A2M: variants seen among roughly 807,000 people sequenced by gnomAD.
A2M encodes the protein alpha-2-macroglobulin, also known as C3 and PZP-like alpha-2-macroglobulin domain-containing protein 5.
Under a neutral mutation model 183.9 loss-of-function variants are expected in A2M, and 128 were observed. The observed-to-expected ratio is 0.70, with a 90% CI of 0.60 to 0.81. The LOEUF is 0.81. A2M is among the 30% of genes least tolerant of loss of function. The pLI, the probability that A2M is intolerant of heterozygous loss-of-function variation, is 0.00. For synonymous variants in A2M, 592 were observed against 670.8 expected (o/e 0.88, Z 1.81); for missense variants, 1,495 against 1,787.6 (o/e 0.84, Z 2.95).
At position 9,067,761 on chromosome 12, in the gene A2M, C is replaced by T. The variant is rs1014234631; in HGVS notation, c.*62G>A. The T allele has an allele frequency of 4.6e-6, 7 of 1,516,608 alleles. No homozygotes were observed. The highest frequency in any genetic ancestry group is 1.7e-5 in the Admixed American group (1 of 58,466). 93.9% of individuals were successfully genotyped at this position (1,516,608 alleles called of 1,614,324 possible). ...TCAAGTCTTTAAAGATACAAAAACA[C>T]GTGTCTTCTGTGGAGCTCTGAGAAC... On this transcript the variant is annotated 3_prime_UTR_variant, in exon 36 of 36. Coordinates refer to ENST00000318602, the MANE Select transcript of A2M (RefSeq NM_000014.6).
chr12:9,079,205 G>T, intron 25 of A2M, 39 bp downstream of exon 25: 3 of 1,504,642 alleles, frequency 2.0e-6, no homozygotes, highest in Non-Finnish European at 2.8e-6. Context: ...AAAAGAGCTG[G>T]CACACAAAAA....
chr12:9,074,572 G>GA lies in A2M; in HGVS notation c.3743dup (p.Ser1249LeufsTer105), dbSNP rs1392149238. The GA allele has an allele frequency of 6.2e-7, 1 of 1,610,792 alleles. No homozygotes were observed. The highest frequency in any genetic ancestry group is 8.5e-7 in the Non-Finnish European group (1 of 1,178,458). On this transcript the variant is annotated frameshift_variant, in exon 29 of 36. Transcript: ENST00000318602. LOFTEE classifies it high-confidence loss of function. ...GCAAATCACCAACCTGGGTGGAGGA[G>GA]AAACCGCCCTGGGCATTCTGCTGCT...
At position 9,106,335 on chromosome 12, in the gene A2M, C is replaced by A; in HGVS notation, c.1005G>T (p.Leu335Phe). The change falls in exon 10 of 36, where the codon TTG becomes TTT. Residue 335 changes from leucine to phenylalanine, a missense_variant. Physicochemically the swap from Leu to Phe is conservative, Grantham distance 22 (BLOSUM62 0). Coordinates refer to ENST00000318602, the MANE Select transcript of A2M (RefSeq NM_000014.6). The part of the protein sequence containing the change: ...QIQEEGTVVE[L>F]TGRQSSEITR... ...TGATTTCACTGGACTGCCTTCCAGT[C>A]AATTCCACCACTGAAAAAAGAGAAA... is the stretch of plus-strand genomic sequence containing the variant. The A allele has an allele frequency of 6.2e-7, 1 of 1,603,252 alleles. No individual in the cohort carries two copies. Among genetic ancestry groups the A allele is most frequent in the South Asian group, 1.1e-5 (1 of 90,072 alleles).
rs201451491 is a variant in A2M at position 9,080,136 on chromosome 12, T to C, written c.2812A>G (p.Asn938Asp). 9.5e-5 allele frequency: 151 copies of C among 1,589,468 alleles called. 1 individual carries two copies. In the African/African-American group the frequency reaches 1.8e-3, roughly 19 times the overall value. The change falls in exon 23 of 36, where the codon AAT becomes GAT. Residue 938 changes from asparagine to aspartate, a missense_variant. By Grantham distance (23) the Asn-to-Asp change is conservative. Transcript: ENST00000318602. ...SEELSLKLPP[N>D]VVEESARASV... ...GCTCGGGCAGATTCTTCTACCACAT[T>C]TGGTGGCAGTTTCAGGGATAATTCT... is the stretch of plus-strand genomic sequence containing the variant.
chr12:9,085,959 T>A (rs1416460623), intron 22 of A2M, among the ~76,000 whole-genome samples: 1 of 151,834 alleles, frequency 6.6e-6, no homozygotes, highest in Non-Finnish European at 1.5e-5. Flanking sequence ...AAATAGAAAA[T>A]CTGAACTGAC....
intron 7 of A2M, 90 bp from the exon 8 acceptor site, chr12:9,107,734 A>G: frequency 1.4e-6 from 2 of 1,478,406 alleles, no homozygotes; most frequent in Non-Finnish European, 1.9e-6. Context: ...GCTACAGTAT[A>G]TTCCCTGTCT....
At chr12:9,101,709 T>C (rs1937872042) in intron 11 of A2M, 35 bp from the exon 12 acceptor site, 1 of 1,472,684 alleles carries the variant, frequency 6.8e-7, no homozygotes, top group Admixed American at 1.9e-5. Flanking sequence ...ATTTTTAGAT[T>C]ATACGTCATA....
chr12:9,101,744 C>T (rs939426732), intron 11 of A2M, 70 bp from the exon 12 acceptor site: 17 of 1,263,766 alleles, frequency 1.3e-5, no homozygotes, highest in African/African-American at 4.5e-5. Context: ...CACAAAACTA[C>T]GTAAGTTTAC....
intron 13 of A2M, 135 bp from the exon 14 acceptor site, chr12:9,099,658 C>T: frequency 5.4e-6 from 6 of 1,118,990 alleles, no homozygotes; most frequent in African/African-American, 4.7e-5. Context: ...TAGAAAAAAA[C>T]CCTATCAAAG....
chr12:9,069,788 C>G lies in A2M; in HGVS notation c.4220G>C (p.Arg1407Pro). 6.2e-7 allele frequency: 1 copy of G among 1,612,894 alleles called. No homozygotes were observed. Among genetic ancestry groups the G allele is most frequent in the Non-Finnish European group, 8.5e-7 (1 of 1,179,348 alleles). ...KMLERSNHVS[R>P]TEVSSNHVLI... ...GACATGGTTGCTGCTGACTTCTGTC[C>G]GGCTCACATGGTTAGATCTTTCAAG... Residue 1407 changes from arginine (R) to proline (P), a missense_variant, in exon 33 of 36, where the codon CGG becomes CCG. Arg to Pro is a moderately radical substitution (Grantham distance 103, BLOSUM62 -2). Transcript: ENST00000318602.
At chr12:9,112,957 G>C (rs964744367) in intron 2 of A2M, among the ~76,000 whole-genome samples, 2 of 152,082 alleles carry the variant, frequency 1.3e-5, no homozygotes, top group Non-Finnish European at 2.9e-5. Flanking sequence ...TTACACCTTT[G>C]CTCAGGGTAA....
At position 9,113,417 on chromosome 12, in the gene A2M, C is replaced by T. The variant is rs760394894; in HGVS notation, c.213G>A (p.Arg71=). ...SASLESVRGN[R]SLFTDLEAEN... ...CCGCCTCCAGGTCAGTGAAGAGGCT[C>T]CTGTTTCCCCTGACAGACTCCAAGG... The change falls in exon 2 of 36, where the codon AGG becomes AGA. Residue 71 remains arginine (R), a synonymous_variant. Coordinates refer to ENST00000318602, the MANE Select transcript of A2M (RefSeq NM_000014.6). 16 of 1,613,612 alleles carry T rather than the reference C, an allele frequency of 9.9e-6. No homozygotes were observed. Among genetic ancestry groups the T allele is most frequent in the African/African-American group, 2.7e-5 (2 of 74,758 alleles).
intron 15 of A2M, 42 bp from the exon 16 acceptor site, chr12:9,095,742 C>T (rs1331851291): frequency 9.7e-4 from 283 of 292,756 alleles, no homozygotes; most frequent in Non-Finnish European, 1.2e-3. Context: ...TTATTTGTGA[C>T]TTTTTTTTTT....
intron 15 of A2M, among the ~76,000 whole-genome samples, chr12:9,097,851 T>A (rs1949431589): frequency 6.6e-6 from 1 of 152,190 alleles, no homozygotes. Context: ...CAGACTGGTC[T>A]CAAACTCCTG....
intron 15 of A2M, among the ~76,000 whole-genome samples, chr12:9,095,995 A>G (rs1028909997): frequency 1.3e-5 from 2 of 150,748 alleles, no homozygotes; most frequent in Non-Finnish European, 3.0e-5. Flanking sequence ...TCCTGACCTC[A>G]TGATCCACCC....
chr12:9,078,232 G>A (rs900383791), intron 25 of A2M, among the ~76,000 whole-genome samples: 5 of 151,996 alleles, frequency 3.3e-5, no homozygotes, highest in African/African-American at 1.2e-4. Flanking sequence ...TGTTGTTCCT[G>A]TCCCTGTGTC....
intron 11 of A2M, 98 bp from the exon 12 acceptor site, chr12:9,101,772 T>A: frequency 1.1e-6 from 1 of 933,768 alleles, no homozygotes; most frequent in Non-Finnish European, 1.6e-6. Context: ...CCTTAACTAG[T>A]AGCTAGAAAT....
At chr12:9,096,050 C>T (rs960858607) in intron 15 of A2M, among the ~76,000 whole-genome samples, 1 of 152,076 alleles carries the variant, frequency 6.6e-6, no homozygotes, top group South Asian at 2.1e-4. Context: ...TGAGCCACCG[C>T]GCCCGGCCTT....
At chr12:9,088,935 A>G (rs1949126545) in intron 22 of A2M, among the ~76,000 whole-genome samples, 1 of 152,146 alleles carries the variant, frequency 6.6e-6, no homozygotes, top group South Asian at 2.1e-4. Flanking sequence ...CCCACTTTCT[A>G]CCTATGCCCA....
Sources: gnomAD v4.1 joint callset for allele counts (sites outside exome capture counted in the v4.1 genomes callset) on GRCh38, gnomAD v4.1.1 for gene constraint, MANE v1.5 for transcripts, NCBI Gene and HGNC (gene_info 2026-07-23, HGNC 2026-07-21) for gene names.